Variants in EPHA6 observed in about 807,000 individuals in gnomAD.
EPHA6 encodes EPH receptor A6.
EPHA6 carries 50 observed loss-of-function variants against 112.0 expected under a neutral mutation model. The observed-to-expected ratio is 0.45, with a 90% CI of 0.36 to 0.56. The LOEUF (loss-of-function observed/expected upper bound fraction) is 0.56, where lower values mean the gene tolerates loss of function less well. EPHA6 is among the 20% of genes least tolerant of loss of function. The pLI is 0.00. For synonymous variants in EPHA6, 529 were observed against 490.7 expected (o/e 1.08, Z -1.03); for missense variants, 1,280 against 1,417.4 (o/e 0.90, Z 1.56).
At chr3:97,381,722 T>C (rs1381860039) in intron 5 of EPHA6, among the ~76,000 whole-genome samples, 3 of 152,136 alleles carry the variant, frequency 2.0e-5, no homozygotes, top group African/African-American at 7.2e-5. Context: ...AAATGCAACA[T>C]TTTGTCATGA....
At chr3:97,439,497 T>G in intron 6 of EPHA6, 1 of 317,526 alleles carries the variant, frequency 3.1e-6, no homozygotes, top group Non-Finnish European at 4.6e-6. Flanking sequence ...CATTAGAAAT[T>G]TCTTCTTGTG....
chr3:97,432,932 G>A (rs955042714), intron 6 of EPHA6, among the ~76,000 whole-genome samples: 1 of 152,156 alleles, frequency 6.6e-6, no homozygotes, highest in African/African-American at 2.4e-5. Context: ...AACAGGAGAT[G>A]AGATTTGGGT....
chr3:96,902,854 A>G (rs567302286), intron 2 of EPHA6, among the ~76,000 whole-genome samples: 53 of 152,308 alleles, frequency 3.5e-4, no homozygotes, highest in Admixed American at 1.7e-3. Context: ...AATTTATTCA[A>G]CAAGCATATA....
intron 2 of EPHA6, among the ~76,000 whole-genome samples, chr3:96,889,030 T>G (rs754773786): frequency 6.6e-6 from 1 of 152,030 alleles, no homozygotes; most frequent in Admixed American, 6.6e-5. Flanking sequence ...GTTCCACAAA[T>G]CCGGGGCAAA....
intron 2 of EPHA6, among the ~76,000 whole-genome samples, chr3:96,963,696 A>G (rs1303342551): frequency 6.6e-6 from 1 of 152,142 alleles, no homozygotes; most frequent in African/African-American, 2.4e-5. Context: ...ACAAAAGTGA[A>G]CAGATATGCC....
chr3:97,664,447 C>T (rs1365781839), intron 14 of EPHA6, among the ~76,000 whole-genome samples: 2 of 152,130 alleles, frequency 1.3e-5, no homozygotes, highest in Non-Finnish European at 2.9e-5. Flanking sequence ...TCCTATTCAA[C>T]ATAGTGTTGG....
intron 2 of EPHA6, among the ~76,000 whole-genome samples, chr3:96,966,279 A>G (rs907281952): frequency 6.6e-6 from 1 of 152,080 alleles, no homozygotes; most frequent in African/African-American, 2.4e-5. Context: ...AACCCATCCA[A>G]GGGCATCAAA....
At chr3:97,240,252 G>A (rs1250473019) in intron 4 of EPHA6, among the ~76,000 whole-genome samples, 1 of 151,760 alleles carries the variant, frequency 6.6e-6, no homozygotes, top group African/African-American at 2.4e-5. Context: ...ATCTTTAAAT[G>A]GTTCAGTGTG....
chr3:97,193,026 G>C (rs1415881462), intron 3 of EPHA6, among the ~76,000 whole-genome samples: 1 of 152,090 alleles, frequency 6.6e-6, no homozygotes, highest in East Asian at 1.9e-4. Context: ...ACACTATGCT[G>C]TTTTGGTTAC....
intron 3 of EPHA6, among the ~76,000 whole-genome samples, chr3:97,218,304 C>A (rs114925355): frequency 6.6e-6 from 1 of 152,014 alleles, no homozygotes; most frequent in Non-Finnish European, 1.5e-5. Context: ...TCTTAGCTCT[C>A]AGTCTGTGTA....
chr3:96,979,075 A>G (rs1411056971), intron 2 of EPHA6, among the ~76,000 whole-genome samples: 1 of 151,854 alleles, frequency 6.6e-6, no homozygotes, highest in Non-Finnish European at 1.5e-5. Flanking sequence ...TTTTTTTTAT[A>G]CTTTAAAATT....
chr3:97,673,098 C>A (rs2031013777), intron 14 of EPHA6, among the ~76,000 whole-genome samples: 1 of 152,160 alleles, frequency 6.6e-6, no homozygotes, highest in Non-Finnish European at 1.5e-5. Flanking sequence ...AGAGAATTCT[C>A]TTTTTAAATG....
At chr3:96,825,266 T>A (rs1238263393) in intron 1 of EPHA6, among the ~76,000 whole-genome samples, 2 of 148,304 alleles carry the variant, frequency 1.3e-5, no homozygotes, top group Non-Finnish European at 3.0e-5. Context: ...GTGACTTGGC[T>A]TTTTTTTTTA....
At chr3:97,180,091 G>A (rs1255937015) in intron 3 of EPHA6, among the ~76,000 whole-genome samples, 2 of 151,994 alleles carry the variant, frequency 1.3e-5, no homozygotes, top group Non-Finnish European at 2.9e-5. Context: ...ATCTAAGCTG[G>A]CACTTAAATC....
At chr3:97,098,694 CTT>C (rs1364735947) in intron 3 of EPHA6, among the ~76,000 whole-genome samples, 2 of 151,788 alleles carry the variant, frequency 1.3e-5, no homozygotes, top group African/African-American at 2.4e-5. Context: ...AAAGGTAACA[CTT>C]TTTGTTATGA....
chr3:97,376,456 A>G (rs572447265), intron 5 of EPHA6, among the ~76,000 whole-genome samples: 3 of 152,336 alleles, frequency 2.0e-5, no homozygotes, highest in Non-Finnish European at 4.4e-5. Flanking sequence ...AAAAAAAACA[A>G]CATGCACAGG....
chr3:97,445,434 C>T (rs2090307411), intron 6 of EPHA6, among the ~76,000 whole-genome samples: 1 of 152,096 alleles, frequency 6.6e-6, no homozygotes, highest in African/African-American at 2.4e-5. Context: ...AGTAATAGTT[C>T]TTGGTCTCCC....
intron 14 of EPHA6, among the ~76,000 whole-genome samples, chr3:97,696,054 A>G (rs1382680621): frequency 1.3e-5 from 2 of 152,264 alleles, no homozygotes; most frequent in East Asian, 1.9e-4. Context: ...ATAACTTTCT[A>G]TATTCAAAAT....
chr3:96,980,827 T>C (rs2107816213), intron 2 of EPHA6, among the ~76,000 whole-genome samples: 1 of 152,318 alleles, frequency 6.6e-6, no homozygotes, highest in East Asian at 1.9e-4. Context: ...GAATGAGAGT[T>C]CACTCATGAT....
Sources: gnomAD v4.1 joint callset for allele counts (sites outside exome capture counted in the v4.1 genomes callset) on GRCh38, gnomAD v4.1.1 for gene constraint, MANE v1.5 for transcripts, NCBI Gene and HGNC (gene_info 2026-07-23, HGNC 2026-07-21) for gene names.